Variants in MTNAP1 observed in about 807,000 individuals in gnomAD.
MTNAP1 encodes mitochondrial nucleoid associated protein 1.
the MTNAP1 span, chr17:73,242,131 C>G: frequency 3.4e-6 from 2 of 588,854 alleles, no homozygotes; most frequent in South Asian, 2.7e-5. Flanking sequence ...TTTAATGCAC[C>G]TGTTTAGAAT....
At chr17:73,244,801 G>A in the MTNAP1 span, 5 of 174,854 alleles carry the variant, frequency 2.9e-5, no homozygotes, top group East Asian at 1.6e-4. Flanking sequence ...GGAACAAGGC[G>A]GCAGCACTCC....
chr17:73,246,350 G>A, the MTNAP1 span, among the ~76,000 whole-genome samples: 2 of 152,016 alleles, frequency 1.3e-5, no homozygotes, highest in African/African-American at 4.8e-5. Flanking sequence ...TGTGCAATGT[G>A]GTGAAATCCA....
At chr17:73,243,093 T>TTTTTTG in the MTNAP1 span, 16 of 991,298 alleles carry the variant, frequency 1.6e-5, no homozygotes, top group African/African-American at 1.7e-4. Context: ...TTTTTTTTTT[T>TTTTTTG]TTTTTTTTAC....
At chr17:73,233,335 CAG>C in the MTNAP1 span, 1 of 152,212 alleles carries the variant, frequency 6.6e-6, no homozygotes, top group Non-Finnish European at 1.5e-5. Flanking sequence ...GGTAAGAAAA[CAG>C]ACACCCACGT....
At chr17:73,248,077 C>T in the MTNAP1 span, 10 of 164,212 alleles carry the variant, frequency 6.1e-5, no homozygotes, top group African/African-American at 1.2e-4. Context: ...CTCAGCATGA[C>T]GAGGAAGCAC....
chr17:73,234,298 G>A, the MTNAP1 span, among the ~76,000 whole-genome samples: 1 of 149,844 alleles, frequency 6.7e-6, no homozygotes, highest in East Asian at 2.0e-4. Flanking sequence ...AGAATAACAG[G>A]TACAAATATA....
At chr17:73,243,262 C>G in the MTNAP1 span, 1 of 443,226 alleles carries the variant, frequency 2.3e-6, no homozygotes, top group South Asian at 1.9e-5. Flanking sequence ...TCAAGTGATT[C>G]TCCTGCCTCA....
At chr17:73,242,293 T>G in the MTNAP1 span, 23 of 1,608,036 alleles carry the variant, frequency 1.4e-5, no homozygotes, top group Non-Finnish European at 2.0e-5. Context: ...TGGAACCCCC[T>G]GCCGGACTTA....
chr17:73,245,213 A>G, the MTNAP1 span: 1 of 1,613,496 alleles, frequency 6.2e-7, no homozygotes. Context: ...CATCACTTAA[A>G]GCTCTGGAAC....
At chr17:73,241,656 G>A in the MTNAP1 span, among the ~76,000 whole-genome samples, 77,815 of 151,994 alleles carry the variant, frequency 0.51, 20,019 homozygotes, top group East Asian at 0.62. Flanking sequence ...GAGGCCAGGC[G>A]CAGTGGTTCA....
the MTNAP1 span, chr17:73,235,742 A>G: frequency 2.1e-4 from 339 of 1,614,216 alleles, 1 homozygote; most frequent in African/African-American, 3.0e-3. Context: ...GACAAACCAG[A>G]ACAGACAGTG....
the MTNAP1 span, chr17:73,247,200 G>A: frequency 1.1e-5 from 18 of 1,575,352 alleles, 1 homozygote; most frequent in South Asian, 1.9e-4. Flanking sequence ...GAAACCATAT[G>A]CCCTGAAAAG....
chr17:73,235,501 A>G, the MTNAP1 span: 2 of 1,610,900 alleles, frequency 1.2e-6, no homozygotes, highest in Non-Finnish European at 1.7e-6. Flanking sequence ...TAATCCACCC[A>G]GAATGGAAGT....
chr17:73,248,262 G>C, the MTNAP1 span: 3 of 513,198 alleles, frequency 5.8e-6, no homozygotes, highest in South Asian at 2.6e-5. Flanking sequence ...ACGAATAGTA[G>C]ACAAGTAAGA....
the MTNAP1 span, among the ~76,000 whole-genome samples, chr17:73,234,773 C>CTG: frequency 0.085 from 12,458 of 146,038 alleles, 580 homozygotes; most frequent in Middle Eastern, 0.099. Context: ...TTATGTATAT[C>CTG]TGTGTGTGTG....
chr17:73,236,531 GACC>G, the MTNAP1 span: 1 of 1,614,168 alleles, frequency 6.2e-7, no homozygotes, highest in Non-Finnish European at 8.5e-7. Context: ...CAAGGGGAAA[GACC>G]ACATTTAAGT....
chr17:73,247,160 C>A, the MTNAP1 span: 3 of 1,287,174 alleles, frequency 2.3e-6, no homozygotes, highest in Non-Finnish European at 3.4e-6. Context: ...CTGTTTCACA[C>A]AACAACAGCA....
At chr17:73,240,940 G>A in the MTNAP1 span, among the ~76,000 whole-genome samples, 1 of 152,242 alleles carries the variant, frequency 6.6e-6, no homozygotes, top group South Asian at 2.1e-4. Flanking sequence ...TTTCTTGGAA[G>A]CCAGCATGAT....
At chr17:73,246,467 C>T in the MTNAP1 span, among the ~76,000 whole-genome samples, 13 of 152,150 alleles carry the variant, frequency 8.5e-5, no homozygotes, top group African/African-American at 1.2e-4. Context: ...GCCCAGGAGG[C>T]GGAGGCTGCA....
Sources: allele counts gnomAD v4.1 joint callset (sites outside exome capture counted in the v4.1 genomes callset), GRCh38; gene constraint gnomAD v4.1.1; transcripts MANE v1.5; gene names NCBI Gene and HGNC (gene_info 2026-07-23, HGNC 2026-07-21).